The following DMD variants were observed in gnomAD, a reference collection of about 807,000 sequenced individuals.
The protein encoded by DMD is mutant dystrophin.
A neutral mutation model predicts 330.1 loss-of-function variants in DMD; 63 were observed. That is an observed-to-expected ratio of 0.19 (90% CI 0.16 to 0.24). The LOEUF is 0.24. DMD is among the 10% of genes least tolerant of loss of function. The pLI is 1.00. For missense variants in DMD, 3,344 were observed against 2,684.1 expected (o/e 1.25, Z -5.43); for synonymous variants, 1,223 against 959.8 (o/e 1.27, Z -5.07).
chrX:32,337,171 G>A (rs1284065258), intron 41 of DMD, among the ~76,000 whole-genome samples: 1 of 111,213 alleles, frequency 9.0e-6, no homozygotes, highest in Non-Finnish European at 1.9e-5. Context: ...CATTTTGCAG[G>A]TATATCCAAC....
intron 1 of DMD, among the ~76,000 whole-genome samples, chrX:33,335,732 G>A (rs1166523443): frequency 9.0e-6 from 1 of 110,904 alleles, no homozygotes; most frequent in Non-Finnish European, 1.9e-5. Context: ...CAGAAGATTA[G>A]GTTCAAGTCA....
At chrX:32,704,001 C>T (rs966069530) in intron 7 of DMD, among the ~76,000 whole-genome samples, 1 of 111,355 alleles carries the variant, frequency 9.0e-6, no homozygotes, top group Non-Finnish European at 1.9e-5. Context: ...TCTTTGAAGC[C>T]GTCTCAGAAT....
intron 45 of DMD, among the ~76,000 whole-genome samples, chrX:31,947,433 TTTTCA>T (rs2095102140): frequency 8.9e-6 from 1 of 112,226 alleles, no homozygotes; most frequent in Non-Finnish European, 1.9e-5. Flanking sequence ...CAACTTTTAA[TTTTCA>T]TTTAACAGCT....
chrX:32,742,049 A>G lies in DMD; in HGVS notation c.650-42756T>C, dbSNP rs140139051. Among the ~76,000 whole-genome samples, 681 of 111,337 alleles carry G rather than the reference A, an allele frequency of 6.1e-3. 9 individuals are homozygous for G. Among genetic ancestry groups the G allele is most frequent in the African/African-American group, 0.021 (637 of 30,686 alleles). The stretch of plus-strand genomic sequence containing the variant: ...GTCAAATGGTCCAACTCTTGACTCA[A>G]TCCCAACTAATGACCTGTTCAGTGC... On this transcript the variant is annotated intron_variant, in intron 7 of 78. Coordinates refer to ENST00000357033, the MANE Select transcript of DMD (RefSeq NM_004006.3).
chrX:32,431,629 G>A (rs1399117825), intron 29 of DMD, among the ~76,000 whole-genome samples: 1 of 110,302 alleles, frequency 9.1e-6, no homozygotes, highest in Non-Finnish European at 1.9e-5. Context: ...CAACTAATAT[G>A]TTTATATATG....
At chrX:31,791,959 A>G (rs951016796) in intron 50 of DMD, among the ~76,000 whole-genome samples, 9 of 112,280 alleles carry the variant, frequency 8.0e-5, no homozygotes, top group Admixed American at 3.8e-4. Context: ...TAAATCTTAG[A>G]CTGAAATGCT....
chrX:32,343,002 C>A (rs2146987603), intron 40 of DMD, 132 bp downstream of exon 40: 1 of 651,903 alleles, frequency 1.5e-6, no homozygotes, highest in East Asian at 3.4e-5. Context: ...AAACAACACA[C>A]AATACAAGGA....
At chrX:33,265,270 C>T (rs947999045) in intron 1 of DMD, among the ~76,000 whole-genome samples, 1 of 110,566 alleles carries the variant, frequency 9.0e-6, no homozygotes, top group Non-Finnish European at 1.9e-5. Context: ...TTCAACACAC[C>T]CGGAGGGCTC....
chrX:33,123,898 G>C (rs924216446), intron 1 of DMD, among the ~76,000 whole-genome samples: 24 of 110,468 alleles, frequency 2.2e-4, no homozygotes, highest in African/African-American at 7.6e-4. Context: ...GGCGTTGTGA[G>C]TCACTCCTAT....
At chrX:31,801,845 T>C (rs2149351876) in intron 50 of DMD, among the ~76,000 whole-genome samples, 1 of 111,338 alleles carries the variant, frequency 9.0e-6, no homozygotes, top group Admixed American at 9.5e-5. Flanking sequence ...ATTTGGTGTG[T>C]GCTCTGGAAG....
chrX:31,890,421 T>A (rs1458374), intron 47 of DMD, among the ~76,000 whole-genome samples: 31,758 of 108,119 alleles, frequency 0.29, 3,668 homozygotes, highest in Admixed American at 0.36. Context: ...TTTATCAAAA[T>A]GTAACTTTAA....
At chrX:32,503,384 T>C (rs374868906) in intron 18 of DMD, among the ~76,000 whole-genome samples, 26 of 112,000 alleles carry the variant, frequency 2.3e-4, no homozygotes, top group African/African-American at 8.4e-4. Context: ...AGGGAAACTC[T>C]TTCATATAAT....
chrX:32,012,101 C>T (rs2095713755), intron 44 of DMD, among the ~76,000 whole-genome samples: 1 of 112,219 alleles, frequency 8.9e-6, no homozygotes. Context: ...ATGGCCATTG[C>T]CTTTTCCCTG....
At chrX:31,488,008 AAACAAAGATT>A (rs1357641753) in intron 57 of DMD, among the ~76,000 whole-genome samples, 12 of 112,203 alleles carry the variant, frequency 1.1e-4, no homozygotes, top group Non-Finnish European at 2.3e-4. Context: ...AAGTCTTTGA[AAACAAAGATT>A]GTATTCTCTG....
At chrX:31,179,216 C>T (rs1037815559) in intron 69 of DMD, among the ~76,000 whole-genome samples, 1 of 112,615 alleles carries the variant, frequency 8.9e-6, no homozygotes, top group Non-Finnish European at 1.9e-5. Context: ...CACTAAATTT[C>T]GGTCTATTCA....
chrX:33,168,434 G>A (rs1050997368), intron 1 of DMD, among the ~76,000 whole-genome samples: 1 of 108,690 alleles, frequency 9.2e-6, no homozygotes, highest in East Asian at 2.9e-4. Context: ...TCTGAAAGTT[G>A]TTTTTGAAAT....
At chrX:31,173,842 C>A (rs780614041) in intron 71 of DMD, among the ~76,000 whole-genome samples, 1 of 112,013 alleles carries the variant, frequency 8.9e-6, no homozygotes, top group East Asian at 2.8e-4. Context: ...CCAAAATCTT[C>A]TCTGGAAAAT....
chrX:31,417,271 C>T (rs982878497), intron 60 of DMD, among the ~76,000 whole-genome samples: 1 of 111,594 alleles, frequency 9.0e-6, no homozygotes, highest in Non-Finnish European at 1.9e-5. Flanking sequence ...CCTATAATTT[C>T]TTTTTTCTTT....
In DMD at chrX:32,472,176, G is replaced by T; in HGVS notation, c.2937C>A (p.Leu979=). The T allele has an allele frequency of 8.3e-7, 1 of 1,210,968 alleles. No individual in the cohort carries two copies. Among genetic ancestry groups the T allele is most frequent in the South Asian group, 1.8e-5 (1 of 56,956 alleles). Reference sequence around the variant, plus strand: ...AATATTCACAGACCTGCAATTCCCCGAGTCTCTGCTCCATGATTTCATAGT... The same window carrying T: ...AATATTCACAGACCTGCAATTCCCCTAGTCTCTGCTCCATGATTTCATAGT... ...VTDYEIMEQR[L]GELQALQSSL... Residue 979 remains leucine (L), a synonymous_variant, in exon 22 of 79, where the codon CTC becomes CTA. Transcript: ENST00000357033.
Sources: gnomAD v4.1 joint callset for allele counts (sites outside exome capture counted in the v4.1 genomes callset) on GRCh38, gnomAD v4.1.1 for gene constraint, MANE v1.5 for transcripts, NCBI Gene and HGNC (gene_info 2026-07-23, HGNC 2026-07-21) for gene names.